Variants in TPO observed in about 807,000 individuals in gnomAD.
TPO encodes thyroid microsomal antigen.
In TPO, 78 loss-of-function variants were observed where a neutral mutation model predicts 96.9. The observed-to-expected ratio is 0.81, with a 90% CI of 0.67 to 0.97. The LOEUF is 0.97. Ranked by LOEUF, TPO falls within the 50% of genes least tolerant of loss-of-function variation. The pLI, the probability that TPO is intolerant of heterozygous loss-of-function variation, is 0.00. For missense variants in TPO, 1,252 were observed against 1,274.8 expected (o/e 0.98, Z 0.27); for synonymous variants, 547 against 538.0 (o/e 1.02, Z -0.23).
intron 14 of TPO, among the ~76,000 whole-genome samples, chr2:1,514,732 G>A (rs1674507434): frequency 6.6e-6 from 1 of 152,236 alleles, no homozygotes; most frequent in African/African-American, 2.4e-5. Context: ...CTGGTTCCAA[G>A]CGGATTTACT....
chr2:1,513,619 A>C (rs2125060806), intron 14 of TPO: 1 of 152,370 alleles, frequency 6.6e-6, no homozygotes, highest in South Asian at 2.1e-4. Context: ...GTATAGAAAT[A>C]GTTATAGATT....
In TPO at chr2:1,425,830, G is replaced by T. The variant is rs971369109; in HGVS notation, c.179+2701G>T. Among the ~76,000 whole-genome samples the T allele has an allele frequency of 3.2e-4, 48 of 151,842 alleles. 1 individual carries two copies. Among genetic ancestry groups the T allele is most frequent in the South Asian group, 1.0e-3 (5 of 4,786 alleles). On this transcript the variant is annotated intron_variant, in intron 3 of 16. Coordinates refer to ENST00000329066, the MANE Select transcript of TPO (RefSeq NM_001206744.2). ...TCTATGCTCCTTCTGTAAAGTCATT[G>T]TTCTAGATGCCAGGATACAGAGATG... is the stretch of plus-strand genomic sequence containing the variant.
At chr2:1,540,509 TTGCCGTCGCTCG>T (rs1207819281) in intron 15 of TPO, 73 bp from the exon 16 acceptor site, 6 of 1,600,568 alleles carry the variant, frequency 3.7e-6, no homozygotes, top group Non-Finnish European at 5.1e-6. Context: ...CACGGCTGCC[TTGCCGTCGCTCG>T]TGCCGTGCTC....
At chr2:1,460,858 G>T (rs1668360471) in intron 7 of TPO, among the ~76,000 whole-genome samples, 2 of 152,144 alleles carry the variant, frequency 1.3e-5, no homozygotes, top group East Asian at 1.9e-4. Flanking sequence ...TGGGGTGGGG[G>T]CTCCACCTTT....
chr2:1,473,264 A>G (rs1367427965), intron 7 of TPO, among the ~76,000 whole-genome samples: 1 of 152,186 alleles, frequency 6.6e-6, no homozygotes, highest in Non-Finnish European at 1.5e-5. Context: ...CACAGTGGAC[A>G]GTCTGGGTGC....
At chr2:1,410,048 T>TA, upstream of TPO, among the ~76,000 whole-genome samples, 1 of 152,126 alleles carries the variant, frequency 6.6e-6, no homozygotes, top group South Asian at 2.1e-4. Context: ...AGTTGCAGGA[T>TA]AAAAATGTTC....
At chr2:1,410,294 A>G (rs1662313390), upstream of TPO, among the ~76,000 whole-genome samples, 1 of 152,238 alleles carries the variant, frequency 6.6e-6, no homozygotes, top group African/African-American at 2.4e-5. Context: ...CGAGGAAAAC[A>G]AAAACTAAAA....
In TPO at chr2:1,406,215, C is replaced by T. The variant is rs1662247337; in HGVS notation, n.180+31813C>T. 2.6e-5 allele frequency among the ~76,000 whole-genome samples: 4 copies of T among 152,214 alleles called. No homozygotes were observed. In the South Asian group the frequency reaches 8.3e-4, roughly 32 times the overall value. ...TAAGTGTATTTACCGACCTTCACCA[C>T]TCAGATTAGGGAAATCCACTTGGCA... is the stretch of plus-strand genomic sequence containing the variant. On this transcript the variant is annotated intron_variant and non_coding_transcript_variant, in intron 1 of 5. Coordinates refer to the TPO transcript ENST00000497517.
intron 3 of TPO, among the ~76,000 whole-genome samples, chr2:1,429,150 T>A (rs1254702315): frequency 6.6e-6 from 1 of 151,556 alleles, no homozygotes; most frequent in Non-Finnish European, 1.5e-5. Context: ...GATAAGGGAG[T>A]TTTTGCTCAG....
chr2:1,536,984 C>T (rs1679835695), intron 15 of TPO, among the ~76,000 whole-genome samples: 1 of 104,370 alleles, frequency 9.6e-6, no homozygotes, highest in Non-Finnish European at 1.9e-5. Flanking sequence ...CAATCTCCCC[C>T]ACTGTGTGCA....
intron 13 of TPO, among the ~76,000 whole-genome samples, chr2:1,500,412 C>G (rs1259702116): frequency 6.6e-6 from 1 of 152,082 alleles, no homozygotes. Context: ...TACAGCTGTT[C>G]CCTGCACTAG....
chr2:1,519,665 T>C (rs1675055342), intron 15 of TPO, among the ~76,000 whole-genome samples: 1 of 152,158 alleles, frequency 6.6e-6, no homozygotes, highest in Non-Finnish European at 1.5e-5. Flanking sequence ...GCAATAAAAA[T>C]TGAATAGGCT....
chr2:1,413,193 T>C (rs566982026), upstream of TPO, among the ~76,000 whole-genome samples: 3 of 152,138 alleles, frequency 2.0e-5, no homozygotes, highest in East Asian at 5.8e-4. Flanking sequence ...GTGTCACAAG[T>C]CTGGATTTAG....
At chr2:1,489,767 G>A (rs1320572520) in intron 10 of TPO, among the ~76,000 whole-genome samples, 1 of 152,252 alleles carries the variant, frequency 6.6e-6, no homozygotes, top group Non-Finnish European at 1.5e-5. Context: ...CCCGACTTGT[G>A]TTCAGAAGAC....
intron 1 of TPO, among the ~76,000 whole-genome samples, chr2:1,401,063 A>AGT (rs1231712531): frequency 2.0e-5 from 3 of 151,618 alleles, no homozygotes; most frequent in Admixed American, 1.3e-4. Flanking sequence ...CCTTGCTGTA[A>AGT]GCTCAGAGAG....
intron 10 of TPO, 135 bp downstream of exon 10, chr2:1,488,126 G>GCAAC: frequency 2.3e-6 from 3 of 1,277,726 alleles, no homozygotes; most frequent in Non-Finnish European, 3.3e-6. Flanking sequence ...GGCTCTTAAA[G>GCAAC]GGCTCCAGTT....
Position 1,414,472 on chromosome 2 carries a change from T to C in TPO, c.64T>C (p.Phe22Leu). The C allele has an allele frequency of 6.2e-6, 10 of 1,613,974 alleles. No individual in the cohort carries two copies. Among genetic ancestry groups the C allele is most frequent in the Non-Finnish European group, 7.6e-6 (9 of 1,179,906 alleles). ...GGCCTGCACAGAAGCCTTCTTCCCCTTCATCTCGAGAGGGAAAGAACTCCT... is the reference window on the plus strand; with the variant it reads ...GGCCTGCACAGAAGCCTTCTTCCCCCTCATCTCGAGAGGGAAAGAACTCCT... ...VMACTEAFFP[F>L]ISRGKELLWG... Residue 22 changes from phenylalanine to leucine, a missense_variant, in exon 2 of 17, where the codon TTC (phenylalanine) becomes CTC (leucine). Physicochemically the swap from Phe to Leu is conservative, Grantham distance 22 (BLOSUM62 0). Coordinates refer to ENST00000329066, the MANE Select transcript of TPO (RefSeq NM_001206744.2).
chr2:1,468,639 T>C (rs1002329725), intron 7 of TPO, among the ~76,000 whole-genome samples: 2 of 152,342 alleles, frequency 1.3e-5, no homozygotes, highest in African/African-American at 4.8e-5. Context: ...GCTCTTAAGA[T>C]TCTTTTCATC....
chr2:1,538,747 A>G (rs1680371012), intron 15 of TPO, among the ~76,000 whole-genome samples: 1 of 152,168 alleles, frequency 6.6e-6, no homozygotes, highest in Admixed American at 6.5e-5. Flanking sequence ...CATAACAAAG[A>G]ACCACACGTT....
Sources: allele counts gnomAD v4.1 joint callset (sites outside exome capture counted in the v4.1 genomes callset), GRCh38; gene constraint gnomAD v4.1.1; transcripts MANE v1.5; gene names NCBI Gene and HGNC (gene_info 2026-07-23, HGNC 2026-07-21).